The following CCDC188 variants were observed in gnomAD, a reference collection of about 807,000 sequenced individuals.
CCDC188 encodes the protein coiled-coil domain containing 188, also known as coiled-coil domain-containing protein 188.
CCDC188 carries 37 observed loss-of-function variants against 50.7 expected under a neutral mutation model. The observed-to-expected ratio is 0.73, with a 90% CI of 0.56 to 0.96. CCDC188 has a LOEUF of 0.96. CCDC188 is among the 40% of genes least tolerant of loss of function. CCDC188 has a pLI of 0.00. For missense variants in CCDC188, 453 were observed against 512.9 expected (o/e 0.88, Z 1.13); for synonymous variants, 208 against 228.0 (o/e 0.91, Z 0.79).
chr22:20,149,161 C>G (rs1425426933), intron 7 of CCDC188, 26 bp downstream of exon 7: 89 of 1,453,564 alleles, frequency 6.1e-5, no homozygotes, highest in Non-Finnish European at 7.4e-5. Context: ...GGTCTCCAGA[C>G]CCAGAGTGGG....
At position 20,149,187 on chromosome 22, in the gene CCDC188, C is replaced by G. The variant is rs1398230051; in HGVS notation, c.972G>C (p.Ser324=). 1 of 1,467,558 alleles carries G rather than the reference C, an allele frequency of 6.8e-7. No homozygotes were observed. The highest frequency in any genetic ancestry group is 2.5e-5 in the East Asian group (1 of 40,122). The allele number at this position is 1,467,558 out of a possible 1,614,324, so 90.9% of individuals were successfully genotyped here. A position where few individuals can be genotyped will look rare whatever the true frequency, so the allele number is the denominator to read the frequency against. Residue 324 remains serine, a splice_region_variant and synonymous_variant, in exon 7 of 9, where the codon TCG becomes TCC. Coordinates refer to ENST00000439765, the MANE Select transcript of CCDC188 (RefSeq NM_001365892.2). ...CCAGAGTGGGGCGTGGGGGGCTCACCGACATGCTTGCCATCTGCTTCTCCT... is the reference window on the plus strand; with the variant it reads ...CCAGAGTGGGGCGTGGGGGGCTCACGGACATGCTTGCCATCTGCTTCTCCT... ...ARKEKQMASM[S]KGRPKLGSSK... is the part of the protein sequence containing the mutation.
chr22:20,150,181 G>A lies in CCDC188; in HGVS notation c.589C>T (p.Leu197=). ...GTGCAGCTTGAGTGTTCGGGACACA[G>A]GGGCAGGAACTGCTGCCCCGGCCCC... ...LLGPGQQFLP[L]CPEHSSCTAL... Residue 197 remains leucine, a synonymous_variant, in exon 2 of 9, where the codon CTG becomes TTG. Coordinates refer to ENST00000439765, the MANE Select transcript of CCDC188 (RefSeq NM_001365892.2). 2 of 1,548,530 alleles carry A rather than the reference G, an allele frequency of 1.3e-6. No individual in the cohort carries two copies. Among genetic ancestry groups the A allele is most frequent in the Non-Finnish European group, 1.7e-6 (2 of 1,145,796 alleles).
In CCDC188 at chr22:20,149,970, G is replaced by T; in HGVS notation, c.717C>A (p.Phe239Leu). ...CCAGGCCCACCTGGGACTGTTGCAC[G>T]AAAGCCTCTTGCCCCTGGCACAGCT... ...RRELCQGQEAFVQQSQNELQQ... is the reference protein window; with the variant it reads ...RRELCQGQEALVQQSQNELQQ... The change falls in exon 3 of 9, where the codon TTC becomes TTA. Residue 239 changes from phenylalanine to leucine, a missense_variant. Phe to Leu is a conservative substitution (Grantham distance 22). Transcript: ENST00000439765. 6.5e-7 allele frequency: 1 copy of T among 1,547,482 alleles called. No homozygotes were observed. The highest frequency in any genetic ancestry group is 1.2e-5 in the South Asian group (1 of 83,834).
intron 3 of CCDC188, 49 bp downstream of exon 3, chr22:20,149,906 T>C: frequency 1.3e-6 from 2 of 1,505,904 alleles, no homozygotes; most frequent in Non-Finnish European, 1.8e-6. Context: ...CCACCTGGAG[T>C]GCTGTTACGA....
In CCDC188 at chr22:20,150,807, G is replaced by C. The variant is rs548412927; in HGVS notation, c.180C>G (p.Val60=). Residue 60 remains valine, a synonymous_variant, in exon 1 of 9, where the codon GTC becomes GTG. Coordinates refer to ENST00000439765, the MANE Select transcript of CCDC188 (RefSeq NM_001365892.2). The stretch of plus-strand genomic sequence containing the variant: ...TGGGCCCACTGCCCCCTGCCCCTGG[G>C]ACTGGGAAAGGTCTCTGGGACTGCA... ...HSVQSQRPFP[V]PGAGGSGPTV... 164 of 1,549,336 alleles carry C rather than the reference G, an allele frequency of 1.1e-4. No homozygotes were observed. In the East Asian group the frequency reaches 4.0e-3, roughly 38 times the overall value.
chr22:20,149,534 C>G, intron 5 of CCDC188, 47 bp downstream of exon 5: 4 of 1,550,028 alleles, frequency 2.6e-6, no homozygotes, highest in Non-Finnish European at 3.5e-6. Context: ...CGTGGCCTCT[C>G]GCCCGCCGGG....
chr22:20,149,061 C>T (rs766209971), intron 7 of CCDC188, 126 bp downstream of exon 7: 26 of 1,271,738 alleles, frequency 2.0e-5, no homozygotes, highest in Non-Finnish European at 2.4e-5. Flanking sequence ...CAGGCTCCTG[C>T]AGCCACTTTT....
At position 20,149,487 on chromosome 22, in the gene CCDC188, G is replaced by A. The variant is rs1418155854; in HGVS notation, c.850-11C>T. The A allele has an allele frequency of 6.5e-7, 1 of 1,550,078 alleles. No homozygotes were observed. The highest frequency in any genetic ancestry group is 1.4e-5 in the African/African-American group (1 of 73,164). The stretch of plus-strand genomic sequence containing the variant: ...GTCCTTCTTGAGGTTCTGGGGGCCA[G>A]AGGAGGTAAGCACAGCAGGCCCCTC... On this transcript the variant is annotated splice_polypyrimidine_tract_variant and intron_variant, in intron 5 of 8. Transcript: ENST00000439765.
chr22:20,149,458 G>T lies in CCDC188; in HGVS notation c.868C>A (p.Arg290=). The change falls in exon 6 of 9, where the codon CGG becomes AGG. Residue 290 remains arginine (R), a synonymous_variant. Coordinates refer to ENST00000439765, the MANE Select transcript of CCDC188 (RefSeq NM_001365892.2). The part of the protein sequence containing the change: ...TGLLNLKKDI[R]GVLDQMEDIQ... The stretch of plus-strand genomic sequence containing the variant: ...TCCTCCATCTGGTCCAGCACGCCCC[G>T]GATGTCCTTCTTGAGGTTCTGGGGG... 1 of 1,550,166 alleles carries T rather than the reference G, an allele frequency of 6.5e-7. No individual in the cohort carries two copies. Among genetic ancestry groups the T allele is most frequent in the South Asian group, 1.2e-5 (1 of 84,040 alleles).
chr22:20,149,542 G>C, intron 5 of CCDC188, 39 bp downstream of exon 5: 1 of 1,550,046 alleles, frequency 6.5e-7, no homozygotes, highest in Non-Finnish European at 8.7e-7. Context: ...CTCGCCCGCC[G>C]GGCCCCGTCC....
In CCDC188 at chr22:20,148,542, T is replaced by A; in HGVS notation, c.*72A>T. 1 of 1,457,442 alleles carries A rather than the reference T, an allele frequency of 6.9e-7. No individual in the cohort carries two copies. Among genetic ancestry groups the A allele is most frequent in the Non-Finnish European group, 9.0e-7 (1 of 1,105,662 alleles). The allele number at this position is 1,457,442 out of a possible 1,614,324, so 90.3% of individuals were successfully genotyped here. On this transcript the variant is annotated 3_prime_UTR_variant, in exon 9 of 9. Coordinates refer to ENST00000439765, the MANE Select transcript of CCDC188 (RefSeq NM_001365892.2). ...CACAGTGGTGCCATGTGCAGGGGGC[T>A]GGCACGGCCACTGGGCATCCGGGGC...
intron 3 of CCDC188, 85 bp downstream of exon 3, chr22:20,149,870 C>G (rs1322672338): frequency 6.7e-7 from 1 of 1,486,636 alleles, no homozygotes; most frequent in Middle Eastern, 2.2e-4. Flanking sequence ...GCACGAAGAC[C>G]TCCCTCCCTA....
At position 20,148,600 on chromosome 22, in the gene CCDC188, G is replaced by A. The variant is rs924121122; in HGVS notation, c.*14C>T. ...GTCGCCTGGCCTCCTTGCTGGGGCC[G>A]CTGGGCCTCTGGCCTAGAAGGGCAG... is the stretch of plus-strand genomic sequence containing the variant. On this transcript the variant is annotated 3_prime_UTR_variant, in exon 9 of 9. Coordinates refer to ENST00000439765, the MANE Select transcript of CCDC188 (RefSeq NM_001365892.2). The A allele has an allele frequency of 3.9e-6, 6 of 1,529,738 alleles. No homozygotes were observed. Among genetic ancestry groups the A allele is most frequent in the African/African-American group, 1.4e-5 (1 of 71,928 alleles). The allele number at this position is 1,529,738 out of a possible 1,614,324, so 94.8% of individuals were successfully genotyped here. A position where few individuals can be genotyped will look rare whatever the true frequency, so the allele number is the denominator to read the frequency against.
rs1240744573 is a variant in CCDC188 at position 20,149,611 on chromosome 22, C to T, written c.819G>A (p.Met273Ile). The change falls in exon 5 of 9, where the codon ATG becomes ATA. Residue 273 changes from methionine (M) to isoleucine (I), a missense_variant. Met to Ile is a conservative substitution (Grantham distance 10, BLOSUM62 1). Transcript: ENST00000439765. ...EVWDNVAEMH[M>I]ALNNQATGLL... ...GCCCGGTGGCCTGGTTGTTCAGGGC[C>T]ATGTGCATCTCAGCCACGTTGTCCC... The T allele has an allele frequency of 2.6e-6, 4 of 1,550,062 alleles. No homozygotes were observed. The African/African-American group carries it at 5.5e-5, about 21-fold the overall frequency.
Position 20,150,482 on chromosome 22 carries a change from C to T in CCDC188, c.505G>A (p.Glu169Lys), listed in dbSNP as rs1015300131. 26 of 1,542,798 alleles carry T rather than the reference C, an allele frequency of 1.7e-5. No homozygotes were observed. The highest frequency in any genetic ancestry group is 6.9e-5 in the African/African-American group (5 of 72,730). ...GGGGTGCTCACCAGGCTGTGGTTCTCCTGCTCCAGCTGCAGGAAGGACTGT... is the reference window on the plus strand; with the variant it reads ...GGGGTGCTCACCAGGCTGTGGTTCTTCTGCTCCAGCTGCAGGAAGGACTGT... Reference protein sequence around the residue: ...AEQSFLQLEQENHSLKRQNQE... With the variant: ...AEQSFLQLEQKNHSLKRQNQE... Residue 169 changes from glutamate to lysine, a missense_variant, in exon 1 of 9, where the codon GAG (glutamate) becomes AAG (lysine). By Grantham distance (56) the Glu-to-Lys change is moderately conservative (BLOSUM62 1). Transcript: ENST00000439765.
Position 20,148,522 on chromosome 22 carries a change from T to C in CCDC188, c.*92A>G, listed in dbSNP as rs1003273565. The C allele has an allele frequency of 6.9e-7, 1 of 1,439,172 alleles. No homozygotes were observed. The highest frequency in any genetic ancestry group is 9.1e-7 in the Non-Finnish European group (1 of 1,098,342). The allele number at this position is 1,439,172 out of a possible 1,614,324, so 89.2% of individuals were successfully genotyped here. On this transcript the variant is annotated 3_prime_UTR_variant, in exon 9 of 9. Coordinates refer to ENST00000439765, the MANE Select transcript of CCDC188 (RefSeq NM_001365892.2). ...AGCTTCTGGCAAGGATGGTGCACAG[T>C]GGTGCCATGTGCAGGGGGCTGGCAC...
rs1276800621 is a variant in CCDC188 at position 20,148,797 on chromosome 22, C to T, written c.1026G>A (p.Leu342=). The change falls in exon 9 of 9, where the codon CTG becomes CTA. Residue 342 remains leucine, a synonymous_variant. Coordinates refer to ENST00000439765, the MANE Select transcript of CCDC188 (RefSeq NM_001365892.2). ...SSKGLAGQLW[L]LTLRLLLGAL... is the part of the protein sequence containing the mutation. ...CGCCCAGCAGCAGCCTCAGGGTCAG[C>T]AGCCTGCGGGCGGCGGTGGTCAGGG... 2 of 1,466,338 alleles carry T rather than the reference C, an allele frequency of 1.4e-6. No homozygotes were observed. Among genetic ancestry groups the T allele is most frequent in the Admixed American group, 2.5e-5 (1 of 40,140 alleles). 90.8% of individuals were successfully genotyped at this position (1,466,338 alleles called of 1,614,324 possible).
rs755870392 is a variant in CCDC188, at chr22:20,148,695, C to A, written c.1128G>T (p.Leu376=). 389 of 1,543,394 alleles carry A rather than the reference C, an allele frequency of 2.5e-4. 1 individual carries two copies. Among genetic ancestry groups the A allele is most frequent in the Middle Eastern group, 3.4e-4 (2 of 5,898 alleles). Residue 376 remains leucine, a synonymous_variant, in exon 9 of 9, where the codon CTG becomes CTT. Coordinates refer to ENST00000439765, the MANE Select transcript of CCDC188 (RefSeq NM_001365892.2). ...TPFEGLVPPL[L]SRATVWKLRA... is the part of the protein sequence containing the mutation. ...GGAGCTTCCAGACGGTGGCACGGCT[C>A]AGCAGGGGTGGCACCAGCCCCTCGA... is the stretch of plus-strand genomic sequence containing the variant.
intron 1 of CCDC188, 84 bp downstream of exon 1, chr22:20,150,384 G>T: frequency 7.8e-7 from 1 of 1,289,836 alleles, no homozygotes; most frequent in Non-Finnish European, 1.0e-6. Context: ...GCGCCAGGTG[G>T]TGGGTGGGGC....
Sources: allele counts gnomAD v4.1 joint callset, GRCh38; gene constraint gnomAD v4.1.1; transcripts MANE v1.5; gene names NCBI Gene and HGNC (gene_info 2026-07-23, HGNC 2026-07-21).